Variants in HGD observed in about 807,000 individuals in gnomAD.
HGD encodes the protein homogentisate oxidase.
HGD carries 61 observed loss-of-function variants against 60.8 expected under a neutral mutation model. The ratio of observed to expected loss-of-function variants is 1.00; its 90% CI spans 0.82 to 1.24. The LOEUF (loss-of-function observed/expected upper bound fraction) is 1.24. Among genes scored for constraint, HGD ranks in the 50% most tolerant of loss-of-function variants. HGD has a pLI of 0.00. For synonymous variants in HGD, 212 were observed against 187.7 expected (o/e 1.13, Z -1.06); for missense variants, 542 against 547.1 (o/e 0.99, Z 0.09).
At chr3:120,671,079 T>A (rs567310918) in intron 3 of HGD, among the ~76,000 whole-genome samples, 3 of 152,212 alleles carry the variant, frequency 2.0e-5, no homozygotes, top group Non-Finnish European at 2.9e-5. Context: ...GAAAGGTAAA[T>A]GGCACCTTCG....
intron 11 of HGD, among the ~76,000 whole-genome samples, chr3:120,639,195 A>G (rs1454251956): frequency 1.3e-5 from 2 of 152,120 alleles, no homozygotes; most frequent in African/African-American, 4.8e-5. Context: ...TCCAATAGGT[A>G]GTTTTTTCAC....
intron 13 of HGD, among the ~76,000 whole-genome samples, chr3:120,631,702 T>G (rs990444101): frequency 2.0e-5 from 3 of 152,136 alleles, no homozygotes; most frequent in Admixed American, 2.0e-4. Flanking sequence ...GGATAAGGCA[T>G]GTAGATAGAC....
chr3:120,648,232 G>T (rs2551622), intron 6 of HGD, among the ~76,000 whole-genome samples: 125,306 of 152,254 alleles, frequency 0.82, 52,996 homozygotes, highest in East Asian at 0.98. Context: ...ACATTTGACC[G>T]GATATCTGAA....
chr3:120,673,507 CAGAGAG>C (rs10575916), intron 3 of HGD, among the ~76,000 whole-genome samples: 26 of 151,134 alleles, frequency 1.7e-4, no homozygotes, highest in African/African-American at 5.6e-4. Context: ...TTTGGGCTTA[CAGAGAG>C]AGAGAGAGAG....
chr3:120,640,747 G>A (rs1413796399), intron 11 of HGD, among the ~76,000 whole-genome samples: 1 of 152,194 alleles, frequency 6.6e-6, no homozygotes. Flanking sequence ...TTTGGGGTCT[G>A]ATGTCTCACT....
rs1428096774 is a variant in HGD at position 120,682,179 on chromosome 3, T to G, written c.-68A>C. The G allele has an allele frequency of 4.4e-5, 65 of 1,471,350 alleles. No individual in the cohort carries two copies. The highest frequency in any genetic ancestry group is 5.1e-5 in the Non-Finnish European group (54 of 1,050,182). 91.1% of individuals were successfully genotyped at this position (1,471,350 alleles called of 1,614,324 possible). A position where few individuals can be genotyped will look rare whatever the true frequency, so the allele number is the denominator to read the frequency against. ...CCAGAGGATATAAAGCCACAATGCT[T>G]CTTTCTCCTTCAAACCACTCTTTGG... On this transcript the variant is annotated 5_prime_UTR_variant, in exon 1 of 14. Coordinates refer to ENST00000283871, the MANE Select transcript of HGD (RefSeq NM_000187.4).
At chr3:120,639,141 A>G (rs1177436867) in intron 11 of HGD, among the ~76,000 whole-genome samples, 1 of 152,106 alleles carries the variant, frequency 6.6e-6, no homozygotes, top group African/African-American at 2.4e-5. Context: ...CAGTATGAAA[A>G]TGGACTAATA....
At chr3:120,648,150 A>G (rs1692417976) in intron 6 of HGD, among the ~76,000 whole-genome samples, 2 of 152,082 alleles carry the variant, frequency 1.3e-5, no homozygotes, top group Non-Finnish European at 2.9e-5. Flanking sequence ...GTGAAAATCA[A>G]GTTTGAGGGA....
At chr3:120,658,152 A>G (rs529355305) in intron 4 of HGD, among the ~76,000 whole-genome samples, 1 of 152,212 alleles carries the variant, frequency 6.6e-6, no homozygotes, top group South Asian at 2.1e-4. Context: ...AGCAGTGCCC[A>G]AAAGTCTTAA....
intron 4 of HGD, among the ~76,000 whole-genome samples, chr3:120,659,645 A>G (rs1559794591): frequency 6.6e-6 from 1 of 151,866 alleles, no homozygotes; most frequent in Non-Finnish European, 1.5e-5. Context: ...CACTCTTCCA[A>G]CCTCTGCCAG....
chr3:120,681,317 A>T (rs1296474847), intron 1 of HGD, among the ~76,000 whole-genome samples: 1 of 152,244 alleles, frequency 6.6e-6, no homozygotes, highest in African/African-American at 2.4e-5. Flanking sequence ...TGGCCTGGGC[A>T]CTAGGCATGG....
At position 120,650,818 on chromosome 3, in the gene HGD, C is replaced by A. The variant is rs774183442; in HGVS notation, c.390G>T (p.Gly130=). The change falls in exon 6 of 14, where the codon GGG becomes GGT. Residue 130 remains glycine, a synonymous_variant. Transcript: ENST00000283871. The part of the protein sequence containing the change: ...CGAGDIKSNN[G]LAIHIFLCNT... ...TGCAGAGGAAAATGTGGATAGCAAG[C>A]CCATTGTTAGACTTTATGTCTCCAG... is the stretch of plus-strand genomic sequence containing the variant. 1.2e-6 allele frequency: 2 copies of A among 1,613,980 alleles called. No homozygotes were observed. Among genetic ancestry groups the A allele is most frequent in the Non-Finnish European group, 1.7e-6 (2 of 1,179,962 alleles).
At chr3:120,658,292 TA>T (rs1245191741) in intron 4 of HGD, among the ~76,000 whole-genome samples, 6 of 152,222 alleles carry the variant, frequency 3.9e-5, no homozygotes, top group African/African-American at 9.6e-5. Context: ...AGACATTAGG[TA>T]AATACTTCCA....
At chr3:120,674,423 G>C (rs575496453) in intron 3 of HGD, among the ~76,000 whole-genome samples, 1 of 152,182 alleles carries the variant, frequency 6.6e-6, no homozygotes, top group South Asian at 2.1e-4. Flanking sequence ...AACCACAGTG[G>C]GCCATAATAT....
intron 1 of HGD, among the ~76,000 whole-genome samples, chr3:120,676,517 A>G (rs1448101513): frequency 6.6e-6 from 1 of 152,162 alleles, no homozygotes; most frequent in Non-Finnish European, 1.5e-5. Flanking sequence ...GCAACACTCA[A>G]CACACTTGTG....
At chr3:120,662,014 C>T (rs113657571) in intron 4 of HGD, among the ~76,000 whole-genome samples, 37,228 of 152,032 alleles carry the variant, frequency 0.24, 4,744 homozygotes, top group Middle Eastern at 0.35. Flanking sequence ...AATCATAAAT[C>T]GTGAGTGAGA....
intron 4 of HGD, among the ~76,000 whole-genome samples, chr3:120,661,762 G>A (rs548707180): frequency 6.6e-6 from 1 of 152,130 alleles, no homozygotes; most frequent in Admixed American, 6.5e-5. Flanking sequence ...GCTGAGCAGG[G>A]GAATGTGCAC....
rs1258068458 is a variant in HGD, at chr3:120,646,585, G to A, written c.550-219C>T. On this transcript the variant is annotated intron_variant, in intron 8 of 13. Transcript: ENST00000283871. ...AAAAACTGAATTCCTAATCACACAT[G>A]TGACCCAAGCCAATTCTAGTCTACC... 2.6e-5 allele frequency among the ~76,000 whole-genome samples: 4 copies of A among 151,902 alleles called. 1 individual carries two copies. The South Asian group carries it at 6.2e-4, about 24-fold the overall frequency.
Position 120,644,383 on chromosome 3 carries a change from C to A in HGD, c.710G>T (p.Arg237Leu). The change falls in exon 10 of 14, where the codon CGC becomes CTC. Residue 237 changes from arginine to leucine, a missense_variant. Arg to Leu is a moderately radical substitution (Grantham distance 102). Transcript: ENST00000283871. ...FLIPIAWYED[R>L]QVPGGYTVIN... ...GACCGTGTAACCACCTGGTACTTGG[C>A]GATCCTCATACCAGGCAATGGGTAT... The A allele has an allele frequency of 6.2e-7, 1 of 1,614,062 alleles. No homozygotes were observed. The highest frequency in any genetic ancestry group is 8.5e-7 in the Non-Finnish European group (1 of 1,179,968).
Sources: allele counts gnomAD v4.1 joint callset (sites outside exome capture counted in the v4.1 genomes callset), GRCh38; gene constraint gnomAD v4.1.1; transcripts MANE v1.5; gene names NCBI Gene and HGNC (gene_info 2026-07-23, HGNC 2026-07-21).